Variants in PIP4P2 observed in about 807,000 individuals in gnomAD.
PIP4P2 encodes type 2 phosphatidylinositol 4,5-bisphosphate 4-phosphatase.
Under a neutral mutation model 33.3 loss-of-function variants are expected in PIP4P2, and 19 were observed. The observed-to-expected ratio is 0.57, with a 90% CI of 0.40 to 0.84. PIP4P2 has a LOEUF of 0.84. PIP4P2 is among the 40% of genes least tolerant of loss of function. The pLI is 0.00. For synonymous variants in PIP4P2, 110 were observed against 111.9 expected (o/e 0.98, Z 0.11); for missense variants, 270 against 324.7 (o/e 0.83, Z 1.29).
At chr8:91,002,900 A>C (rs999651882) in intron 5 of PIP4P2, among the ~76,000 whole-genome samples, 19 of 152,170 alleles carry the variant, frequency 1.2e-4, no homozygotes, top group Admixed American at 2.0e-4. Context: ...TGTTGGGGCT[A>C]GGAAATAACT....
intron 5 of PIP4P2, among the ~76,000 whole-genome samples, chr8:91,001,098 A>C (rs867170874): frequency 3.3e-5 from 5 of 152,166 alleles, no homozygotes; most frequent in Middle Eastern, 3.4e-3. Context: ...TATTTGAGAC[A>C]ATTATAGATT....
intron 1 of PIP4P2, among the ~76,000 whole-genome samples, chr8:91,029,811 C>G (rs1812135252): frequency 6.6e-6 from 1 of 151,972 alleles, no homozygotes; most frequent in South Asian, 2.1e-4. Context: ...TCTAAAAATA[C>G]AAAGAATTAG....
chr8:91,040,418 TCACCACCAC>T (rs58764824), intron 1 of PIP4P2, among the ~76,000 whole-genome samples: 1 of 131,498 alleles, frequency 7.6e-6, no homozygotes, highest in African/African-American at 3.5e-5. Context: ...ACCACCACCA[TCACCACCAC>T]CACCACCACC....
intron 1 of PIP4P2, among the ~76,000 whole-genome samples, chr8:91,038,944 A>T (rs1812269627): frequency 1.3e-5 from 2 of 152,202 alleles, no homozygotes; most frequent in Admixed American, 1.3e-4. Flanking sequence ...GCTGAACTGG[A>T]ACTTATACTT....
chr8:91,039,309 A>T (rs899142112), intron 1 of PIP4P2, among the ~76,000 whole-genome samples: 3 of 152,154 alleles, frequency 2.0e-5, no homozygotes, highest in African/African-American at 7.2e-5. Flanking sequence ...GACCAACAAA[A>T]ATGACCTGTA....
At chr8:91,038,449 A>G (rs1812261636) in intron 1 of PIP4P2, among the ~76,000 whole-genome samples, 1 of 152,190 alleles carries the variant, frequency 6.6e-6, no homozygotes, top group Non-Finnish European at 1.5e-5. Flanking sequence ...ACGGTTTTCA[A>G]CTACCAAAAA....
chr8:91,026,293 T>C (rs959070703), intron 1 of PIP4P2, among the ~76,000 whole-genome samples: 3 of 152,126 alleles, frequency 2.0e-5, no homozygotes, highest in African/African-American at 7.2e-5. Context: ...TGGTAGTTCT[T>C]TCCCCTGGGA....
intron 1 of PIP4P2, among the ~76,000 whole-genome samples, chr8:91,027,409 C>G (rs374666127): frequency 2.0e-5 from 3 of 152,362 alleles, no homozygotes; most frequent in East Asian, 3.9e-4. Context: ...AGTTGCCTTA[C>G]AAGGGGATGA....
In PIP4P2 at chr8:91,016,663, A is replaced by G. The variant is rs1336954813; in HGVS notation, c.486+1727T>C. 3 of 152,202 alleles carry G rather than the reference A, an allele frequency of 2.0e-5. No homozygotes were observed. The East Asian group carries it at 5.8e-4, about 29-fold the overall frequency. The allele number at this position is 152,202 out of a possible 1,614,324, so 9.4% of individuals were successfully genotyped here. A position where few individuals can be genotyped will look rare whatever the true frequency, so the allele number is the denominator to read the frequency against. On this transcript the variant is annotated intron_variant, in intron 4 of 6. Coordinates refer to ENST00000285419, the MANE Select transcript of PIP4P2 (RefSeq NM_018710.3). ...CTGCATCTTTTCTCAGAAAGCAAAG[A>G]GTAGATGTGCTCCACCAAAATGAAG...
chr8:90,995,945 T>C (rs1372192012), intron 6 of PIP4P2, 125 bp from the exon 7 acceptor site: 2 of 1,065,618 alleles, frequency 1.9e-6, no homozygotes, highest in African/African-American at 3.2e-5. Flanking sequence ...CACAAAGTCC[T>C]TATAAGAGTA....
Position 91,015,975 on chromosome 8 carries a change from T to C in PIP4P2, c.486+2415A>G, listed in dbSNP as rs148123262. On this transcript the variant is annotated intron_variant, in intron 4 of 6. Coordinates refer to ENST00000285419, the MANE Select transcript of PIP4P2 (RefSeq NM_018710.3). Reference sequence around the variant, plus strand: ...GCCAGGGCAAATATTTAGGCTAAATTGTGGGAGCTAAGAACATAAAGTACA... The same window carrying C: ...GCCAGGGCAAATATTTAGGCTAAATCGTGGGAGCTAAGAACATAAAGTACA... Among the ~76,000 whole-genome samples, 1,373 of 152,302 alleles carry C rather than the reference T, an allele frequency of 9.0e-3. 21 individuals are homozygous for C. Among genetic ancestry groups the C allele is most frequent in the African/African-American group, 0.031 (1,285 of 41,558 alleles).
At chr8:91,006,290 A>G (rs1182170444) in intron 5 of PIP4P2, among the ~76,000 whole-genome samples, 2 of 152,180 alleles carry the variant, frequency 1.3e-5, no homozygotes, top group Non-Finnish European at 2.9e-5. Context: ...CATGTTTAGC[A>G]TGTGACTCTG....
intron 6 of PIP4P2, 118 bp downstream of exon 6, chr8:90,996,536 T>G (rs887185149): frequency 5.7e-5 from 40 of 699,156 alleles, no homozygotes; most frequent in Non-Finnish European, 8.7e-5. Context: ...AAGCTTCTAG[T>G]GCTGGCATGC....
At chr8:91,020,953 T>C (rs1453487822) in intron 2 of PIP4P2, among the ~76,000 whole-genome samples, 1 of 152,182 alleles carries the variant, frequency 6.6e-6, no homozygotes, top group East Asian at 1.9e-4. Flanking sequence ...ATGAATGTAG[T>C]TGTGATGTGG....
intron 2 of PIP4P2, 129 bp downstream of exon 2, chr8:91,021,127 C>CAGGAAAAAA (rs1415112681): frequency 1.1e-4 from 120 of 1,086,196 alleles, no homozygotes; most frequent in Admixed American, 1.8e-4. Context: ...GAAGAAAAGA[C>CAGGAAAAAA]AGGAAAAAAG....
chr8:91,021,620 C>A (rs929064892), intron 1 of PIP4P2, among the ~76,000 whole-genome samples: 1 of 152,134 alleles, frequency 6.6e-6, no homozygotes. Flanking sequence ...AAATCTAAAT[C>A]ATGTTTGCCT....
chr8:91,008,314 A>T (rs2130357241), intron 5 of PIP4P2, among the ~76,000 whole-genome samples: 1 of 152,332 alleles, frequency 6.6e-6, no homozygotes, highest in East Asian at 1.9e-4. Flanking sequence ...ATAATTATAT[A>T]AATGCTGCTA....
chr8:91,015,267 T>A, intron 4 of PIP4P2, among the ~76,000 whole-genome samples: 1 of 151,858 alleles, frequency 6.6e-6, no homozygotes, highest in South Asian at 2.1e-4. Flanking sequence ...GACCAATTGA[T>A]ACTAATAGCT....
chr8:91,040,682 G>C lies in PIP4P2; in HGVS notation c.68C>G (p.Pro23Arg), dbSNP rs1391225136. 6.2e-7 allele frequency: 1 copy of C among 1,613,496 alleles called. No homozygotes were observed. The highest frequency in any genetic ancestry group is 2.2e-5 in the East Asian group (1 of 44,882). ...LSASHSGNVT[P>R]TAPPYLQESS... ...TTCTTGCAAGTACGGTGGGGCGGTG[G>C]GAGTGACATTTCCGGAGTGGGATGC... The change falls in exon 1 of 7, where the codon CCC becomes CGC. Residue 23 changes from proline to arginine, a missense_variant. Transcript: ENST00000285419.
Sources: gnomAD v4.1 joint callset for allele counts (sites outside exome capture counted in the v4.1 genomes callset) on GRCh38, gnomAD v4.1.1 for gene constraint, MANE v1.5 for transcripts, NCBI Gene and HGNC (gene_info 2026-07-23, HGNC 2026-07-21) for gene names.